The following FSHR variants were observed in gnomAD, a reference collection of about 807,000 sequenced individuals.
FSHR encodes follicle-stimulating hormone receptor.
FSHR carries 46 observed loss-of-function variants against 52.1 expected under a neutral mutation model. That is an observed-to-expected ratio of 0.88 (90% CI 0.70 to 1.13). FSHR has a LOEUF of 1.13. Among genes scored for constraint, FSHR ranks in the 50% most tolerant of loss-of-function variants. FSHR has a pLI of 0.00. For missense variants in FSHR, 964 were observed against 834.6 expected, an observed-to-expected ratio of 1.16 and a Z score of -1.91; for synonymous variants, 399 against 309.6, an observed-to-expected ratio of 1.29 and a Z score of -3.03.
At chr2:48,985,523 G>C (rs933591598) in intron 6 of FSHR, among the ~76,000 whole-genome samples, 1 of 151,992 alleles carries the variant, frequency 6.6e-6, no homozygotes, top group South Asian at 2.1e-4. Context: ...GGCACAGTGC[G>C]GGTGCAGAAG....
At chr2:49,079,182 G>C (rs773182735) in intron 1 of FSHR, among the ~76,000 whole-genome samples, 2 of 151,650 alleles carry the variant, frequency 1.3e-5, no homozygotes, top group Non-Finnish European at 2.9e-5. Flanking sequence ...AAAAAAACAG[G>C]CTCCAGGATT....
chr2:48,972,457 T>G (rs1674784405), intron 8 of FSHR, among the ~76,000 whole-genome samples: 1 of 152,226 alleles, frequency 6.6e-6, no homozygotes, highest in South Asian at 2.1e-4. Flanking sequence ...TGCTGCTGTC[T>G]CTGCCTTCTC....
At chr2:49,077,338 A>G (rs375277371) in intron 1 of FSHR, among the ~76,000 whole-genome samples, 2 of 152,188 alleles carry the variant, frequency 1.3e-5, no homozygotes, top group Non-Finnish European at 2.9e-5. Flanking sequence ...CCCGAGCTCT[A>G]TGTTGGCTCC....
chr2:49,065,845 G>A (rs955160514), intron 2 of FSHR, among the ~76,000 whole-genome samples: 3 of 152,060 alleles, frequency 2.0e-5, no homozygotes, highest in African/African-American at 7.2e-5. Context: ...AACTGGATAT[G>A]GAGCAATCTG....
intron 1 of FSHR, among the ~76,000 whole-genome samples, chr2:49,071,184 A>G (rs1415553783): frequency 6.6e-6 from 1 of 152,330 alleles, no homozygotes; most frequent in South Asian, 2.1e-4. Context: ...GAAATCTTTC[A>G]TAACTTATAA....
At chr2:49,006,877 C>G (rs541388336) in intron 4 of FSHR, among the ~76,000 whole-genome samples, 4 of 152,134 alleles carry the variant, frequency 2.6e-5, no homozygotes, top group Non-Finnish European at 5.9e-5. Flanking sequence ...ACTTTTACTA[C>G]TTTATTTTTC....
chr2:49,101,122 A>G (rs1671011637), intron 1 of FSHR, among the ~76,000 whole-genome samples: 1 of 152,196 alleles, frequency 6.6e-6, no homozygotes, highest in African/African-American at 2.4e-5. Context: ...ATTTGATTGC[A>G]CTGTATTGAG....
intron 2 of FSHR, among the ~76,000 whole-genome samples, chr2:49,027,843 CTT>C (rs1667961469): frequency 2.6e-5 from 3 of 116,282 alleles, no homozygotes; most frequent in African/African-American, 1.1e-4. Context: ...GAGTGAGACT[CTT>C]TCTCCAAAAA....
chr2:49,021,800 A>C (rs1400474159), intron 2 of FSHR, among the ~76,000 whole-genome samples: 1 of 145,848 alleles, frequency 6.9e-6, no homozygotes. Flanking sequence ...CCATTTGCAC[A>C]GTTGAACATA....
At position 49,153,424 on chromosome 2, in the gene FSHR, G is replaced by GAAAAC. The variant is rs70946851; in HGVS notation, c.152+837_152+841dup. ...AATGGAGTCAGTCACAGTGGGTTGG[G>GAAAAC]AAAACAAAACAAAACAAAACAAAAC... On this transcript the variant is annotated intron_variant, in intron 1 of 9. Transcript: ENST00000406846. 5.1e-3 allele frequency among the ~76,000 whole-genome samples: 777 copies of GAAAAC among 151,498 alleles called. 4 individuals are homozygous for GAAAAC. Among genetic ancestry groups the GAAAAC allele is most frequent in the Non-Finnish European group, 8.2e-3 (558 of 67,810 alleles).
intron 1 of FSHR, among the ~76,000 whole-genome samples, chr2:49,145,030 C>T (rs1050080703): frequency 6.6e-6 from 1 of 152,086 alleles, no homozygotes; most frequent in Non-Finnish European, 1.5e-5. Context: ...TGGTCTTTTA[C>T]TAGATTCAGG....
intron 2 of FSHR, among the ~76,000 whole-genome samples, chr2:49,041,315 C>A (rs913937442): frequency 6.6e-6 from 1 of 152,126 alleles, no homozygotes; most frequent in African/African-American, 2.4e-5. Flanking sequence ...AAAATGTTTA[C>A]ATGCTACAAT....
intron 2 of FSHR, among the ~76,000 whole-genome samples, chr2:49,042,213 C>A (rs941176091): frequency 1.3e-5 from 2 of 152,272 alleles, no homozygotes; most frequent in East Asian, 3.9e-4. Context: ...TCCAGAGATG[C>A]TTTTGAAAAC....
At chr2:49,152,109 C>T (rs1180978325) in intron 1 of FSHR, among the ~76,000 whole-genome samples, 1 of 152,100 alleles carries the variant, frequency 6.6e-6, no homozygotes, top group East Asian at 1.9e-4. Flanking sequence ...GCTTCTAAAG[C>T]TCTTAACTAT....
intron 1 of FSHR, among the ~76,000 whole-genome samples, chr2:49,088,595 C>A (rs2103682830): frequency 6.6e-6 from 1 of 152,314 alleles, no homozygotes; most frequent in African/African-American, 2.4e-5. Flanking sequence ...CATTGTGCCT[C>A]TAAAGCAGTT....
At chr2:49,008,878 GT>G (rs1296053219) in intron 4 of FSHR, among the ~76,000 whole-genome samples, 42 of 150,970 alleles carry the variant, frequency 2.8e-4, no homozygotes, top group African/African-American at 9.3e-4. Context: ...GGGGTTGTTT[GT>G]TTTTTTCTTG....
chr2:49,085,308 A>T (rs1220107584), intron 1 of FSHR, among the ~76,000 whole-genome samples: 1 of 152,272 alleles, frequency 6.6e-6, no homozygotes, highest in Non-Finnish European at 1.5e-5. Context: ...TTCATGCTAA[A>T]AACTCTCAAT....
chr2:48,966,522 C>G (rs533309724), intron 9 of FSHR, among the ~76,000 whole-genome samples: 1 of 152,166 alleles, frequency 6.6e-6, no homozygotes, highest in African/African-American at 2.4e-5. Flanking sequence ...GACCACTGGC[C>G]AAAGTTTTAG....
At chr2:49,071,390 A>G (rs866575879) in intron 1 of FSHR, among the ~76,000 whole-genome samples, 49 of 152,280 alleles carry the variant, frequency 3.2e-4, no homozygotes, top group Admixed American at 7.8e-4. Flanking sequence ...CAAAATTATT[A>G]GAGAAAATAA....
Sources: gnomAD v4.1 joint callset for allele counts (sites outside exome capture counted in the v4.1 genomes callset) on GRCh38, gnomAD v4.1.1 for gene constraint, MANE v1.5 for transcripts, NCBI Gene and HGNC (gene_info 2026-07-23, HGNC 2026-07-21) for gene names.